TOX: variants seen among roughly 807,000 people sequenced by gnomAD.
TOX encodes the protein thymocyte selection associated high mobility group box, also known as thymocyte selection-associated high mobility group box protein TOX.
TOX carries 11 observed loss-of-function variants against 53.7 expected under a neutral mutation model. That is an observed-to-expected ratio of 0.20 (90% CI 0.13 to 0.34). TOX has a LOEUF of 0.34. Among genes scored for constraint, TOX ranks in the 10% least tolerant of loss-of-function variants. The pLI is 1.00. For synonymous variants in TOX, 225 were observed against 245.3 expected, an observed-to-expected ratio of 0.92 and a Z score of 0.77; for missense variants, 570 against 664.6, an observed-to-expected ratio of 0.86 and a Z score of 1.56.
chr8:58,892,985 C>A (rs1454220577), intron 3 of TOX, among the ~76,000 whole-genome samples: 1 of 152,150 alleles, frequency 6.6e-6, no homozygotes, highest in Non-Finnish European at 1.5e-5. Context: ...TAACTAGAAG[C>A]AGATGAATTT....
chr8:58,981,845 T>A (rs1813211209), intron 1 of TOX, among the ~76,000 whole-genome samples: 1 of 152,206 alleles, frequency 6.6e-6, no homozygotes, highest in Non-Finnish European at 1.5e-5. Context: ...GAATAATCCT[T>A]CCCTTGGACT....
chr8:58,903,293 T>C (rs1008037772), intron 3 of TOX, among the ~76,000 whole-genome samples: 2 of 152,188 alleles, frequency 1.3e-5, no homozygotes, highest in African/African-American at 4.8e-5. Flanking sequence ...TCTGTTGTTT[T>C]AGGTTGGTTG....
Position 59,021,523 on chromosome 8 carries a change from T to C in TOX, c.103-61515A>G, listed in dbSNP as rs367958803. On this transcript the variant is annotated intron_variant, in intron 1 of 8. Transcript: ENST00000361421. ...ATGCACATATATACAATGTCAGATA[T>C]ATATAGATAGAGATAGAGATAGATA... Among the ~76,000 whole-genome samples, 56 of 137,924 alleles carry C rather than the reference T, an allele frequency of 4.1e-4. 1 individual carries two copies. The highest frequency in any genetic ancestry group is 8.0e-3 in the Middle Eastern group (2 of 250). The allele number at this position is 137,924 out of a possible 152,430, so 90.5% of individuals were successfully genotyped here.
At chr8:58,999,296 T>A (rs1488014275) in intron 1 of TOX, among the ~76,000 whole-genome samples, 2 of 151,978 alleles carry the variant, frequency 1.3e-5, no homozygotes, top group East Asian at 3.9e-4. Context: ...CTGAAATCTG[T>A]GATCTTTAGA....
rs1809963323 is a variant in TOX, at chr8:58,805,754, T to C, written c.*1993A>G. 1 of 152,792 alleles carries C rather than the reference T, an allele frequency of 6.5e-6. No individual in the cohort carries two copies. The highest frequency in any genetic ancestry group is 2.1e-4 in the South Asian group (1 of 4,830). 9.5% of individuals were successfully genotyped at this position (152,792 alleles called of 1,614,324 possible). ...ACAATAAACTGTGAACTTAATCACA[T>C]GAGTTCTTATACAGTTTCAAGACAG... is the stretch of plus-strand genomic sequence containing the variant. On this transcript the variant is annotated 3_prime_UTR_variant, in exon 9 of 9. Transcript: ENST00000361421.
At chr8:58,975,196 A>T (rs139413672) in intron 1 of TOX, among the ~76,000 whole-genome samples, 1 of 151,758 alleles carries the variant, frequency 6.6e-6, no homozygotes, top group African/African-American at 2.4e-5. Context: ...ATGTGTGTGT[A>T]TATAGATAAT....
intron 1 of TOX, among the ~76,000 whole-genome samples, chr8:59,040,047 C>G (rs997307203): frequency 5.3e-5 from 8 of 152,120 alleles, no homozygotes; most frequent in African/African-American, 1.7e-4. Flanking sequence ...TAAGAAGCAT[C>G]GGCCGGGCGC....
intron 5 of TOX, among the ~76,000 whole-genome samples, chr8:58,833,634 C>T (rs1376067701): frequency 6.6e-6 from 1 of 152,118 alleles, no homozygotes; most frequent in Non-Finnish European, 1.5e-5. Flanking sequence ...TAGCAGAGAC[C>T]AACATCACAG....
At chr8:58,932,954 C>T (rs567253795) in intron 3 of TOX, among the ~76,000 whole-genome samples, 2 of 152,220 alleles carry the variant, frequency 1.3e-5, no homozygotes, top group South Asian at 4.1e-4. Context: ...GGGAAATAAA[C>T]CCCCCAATTT....
chr8:59,033,156 A>G (rs1258905444), intron 1 of TOX, among the ~76,000 whole-genome samples: 1 of 152,346 alleles, frequency 6.6e-6, no homozygotes, highest in African/African-American at 2.4e-5. Context: ...AAACTTGGCT[A>G]TGCCCATACT....
At chr8:59,045,561 A>G (rs1803666653) in intron 1 of TOX, among the ~76,000 whole-genome samples, 1 of 152,204 alleles carries the variant, frequency 6.6e-6, no homozygotes, top group South Asian at 2.1e-4. Context: ...TTTGGTCTGT[A>G]GAATACAGCA....
intron 1 of TOX, among the ~76,000 whole-genome samples, chr8:58,963,634 CT>C (rs1487583227): frequency 6.6e-6 from 1 of 152,184 alleles, no homozygotes; most frequent in African/African-American, 2.4e-5. Context: ...ATAATCACAC[CT>C]CTTTGTCCAG....
chr8:58,911,186 C>A (rs1419746195), intron 3 of TOX, among the ~76,000 whole-genome samples: 1 of 152,036 alleles, frequency 6.6e-6, no homozygotes, highest in Non-Finnish European at 1.5e-5. Context: ...TACAGGATGA[C>A]CCATTTTAAG....
At chr8:58,876,157 G>C (rs1811279723) in intron 3 of TOX, among the ~76,000 whole-genome samples, 1 of 147,882 alleles carries the variant, frequency 6.8e-6, no homozygotes, top group South Asian at 2.1e-4. Flanking sequence ...GTACAATCTT[G>C]TTTTTTTTTT....
chr8:58,811,377 T>C (rs1810072267), intron 7 of TOX, among the ~76,000 whole-genome samples: 1 of 152,224 alleles, frequency 6.6e-6, no homozygotes, highest in Non-Finnish European at 1.5e-5. Context: ...GGAAACATGA[T>C]AAAGATTAAT....
chr8:58,964,048 T>C (rs1046395087), intron 1 of TOX, among the ~76,000 whole-genome samples: 1 of 152,080 alleles, frequency 6.6e-6, no homozygotes, highest in African/African-American at 2.4e-5. Context: ...TTAAGACTGA[T>C]ATAAGCACAG....
chr8:58,812,972 G>A (rs921027222), intron 7 of TOX, among the ~76,000 whole-genome samples: 1 of 152,198 alleles, frequency 6.6e-6, no homozygotes, highest in Non-Finnish European at 1.5e-5. Context: ...TGTTAAAAGA[G>A]TTCTTAGTCA....
At chr8:58,990,564 T>C (rs1031828490) in intron 1 of TOX, among the ~76,000 whole-genome samples, 2 of 152,112 alleles carry the variant, frequency 1.3e-5, no homozygotes, top group African/African-American at 2.4e-5. Flanking sequence ...ATATCATACT[T>C]GAAGGATACT....
intron 1 of TOX, among the ~76,000 whole-genome samples, chr8:59,099,492 T>C (rs755495914): frequency 3.3e-5 from 5 of 152,176 alleles, no homozygotes; most frequent in Non-Finnish European, 7.3e-5. Context: ...AAAAGTATAC[T>C]GATACATTTA....
Sources: allele counts gnomAD v4.1 joint callset (sites outside exome capture counted in the v4.1 genomes callset), GRCh38; gene constraint gnomAD v4.1.1; transcripts MANE v1.5; gene names NCBI Gene and HGNC (gene_info 2026-07-23, HGNC 2026-07-21).